NAPEPLD: variants seen among roughly 807,000 people sequenced by gnomAD.
The protein encoded by NAPEPLD is N-acyl-phosphatidylethanolamine-hydrolyzing phospholipase D.
NAPEPLD carries 23 observed loss-of-function variants against 38.1 expected under a neutral mutation model. That is an observed-to-expected ratio of 0.60 (90% CI 0.43 to 0.86). The LOEUF (loss-of-function observed/expected upper bound fraction) is 0.86. NAPEPLD is among the 40% of genes least tolerant of loss of function. The pLI is 0.00. For synonymous variants in NAPEPLD, 147 were observed against 162.0 expected, an observed-to-expected ratio of 0.91 and a Z score of 0.71; for missense variants, 411 against 476.8, an observed-to-expected ratio of 0.86 and a Z score of 1.28.
chr7:103,113,644 TTC>T (rs780291015), intron 4 of NAPEPLD, among the ~76,000 whole-genome samples: 401 of 9,022 alleles, frequency 0.044, 39 homozygotes, highest in South Asian at 0.36. Context: ...TTTTTTTTTT[TTC>T]TCAAGACAGA....
intron 2 of NAPEPLD, among the ~76,000 whole-genome samples, chr7:103,124,506 T>A (rs1013250593): frequency 3.3e-5 from 5 of 150,114 alleles, no homozygotes; most frequent in African/African-American, 1.2e-4. Context: ...GAAAAAGGGG[T>A]GGGGAGAGGA....
chr7:103,114,864 G>GT (rs11332590), intron 4 of NAPEPLD, among the ~76,000 whole-genome samples, 196 bp downstream of exon 4: 2 of 150,934 alleles, frequency 1.3e-5, no homozygotes, highest in African/African-American at 4.9e-5. Context: ...AGGTTGTGTT[G>GT]TTTTTTTTTT....
At chr7:103,149,472 G>A (rs1156392108), upstream of NAPEPLD, 1 of 1,264,206 alleles carries the variant, frequency 7.9e-7, no homozygotes, top group Non-Finnish European at 1.0e-6. Flanking sequence ...AGCTCTCGCC[G>A]CCTCGCCATC....
chr7:103,124,351 G>A (rs556243620), intron 2 of NAPEPLD, among the ~76,000 whole-genome samples: 203 of 152,110 alleles, frequency 1.3e-3, no homozygotes, highest in Non-Finnish European at 2.5e-3. Flanking sequence ...CCAGCTACTC[G>A]GGAGGCTGAG....
intron 1 of NAPEPLD, among the ~76,000 whole-genome samples, chr7:103,136,304 G>T (rs771710348): frequency 2.0e-5 from 3 of 151,264 alleles, no homozygotes; most frequent in Non-Finnish European, 4.4e-5. Flanking sequence ...GGGAGCAGTG[G>T]CTCACACCTG....
At chr7:103,148,505 C>A (rs1215514472) in intron 1 of NAPEPLD, among the ~76,000 whole-genome samples, 2 of 144,550 alleles carry the variant, frequency 1.4e-5, no homozygotes, top group Non-Finnish European at 3.0e-5. Flanking sequence ...ACAACAAAAA[C>A]CTATCTGAAT....
chr7:103,110,707 T>TA (rs1804338597), intron 4 of NAPEPLD, among the ~76,000 whole-genome samples: 1 of 152,138 alleles, frequency 6.6e-6, no homozygotes, highest in Non-Finnish European at 1.5e-5. Flanking sequence ...CTATTCAACA[T>TA]AGCATTCGAA....
rs2129525251 is a variant in NAPEPLD at position 103,100,838 on chromosome 7, G to T, written c.*2591C>A. Reference sequence around the variant, plus strand: ...AACCCACTCAATAAGGTGAGATTCTGTAAGCAGAGATGAAGCTTGATGTTC... The same window carrying T: ...AACCCACTCAATAAGGTGAGATTCTTTAAGCAGAGATGAAGCTTGATGTTC... On this transcript the variant is annotated 3_prime_UTR_variant, in exon 5 of 5. Coordinates refer to ENST00000465647, the MANE Select transcript of NAPEPLD (RefSeq NM_001122838.3). 6.6e-6 allele frequency: 1 copy of T among 152,324 alleles called. No individual in the cohort carries two copies. The highest frequency in any genetic ancestry group is 2.1e-4 in the South Asian group (1 of 4,826). 9.4% of individuals were successfully genotyped at this position (152,324 alleles called of 1,614,324 possible).
At chr7:103,145,469 T>C (rs1276091620) in intron 1 of NAPEPLD, among the ~76,000 whole-genome samples, 1 of 152,228 alleles carries the variant, frequency 6.6e-6, no homozygotes, top group African/African-American at 2.4e-5. Context: ...CAGCCAAGAA[T>C]TGTAAAGTAT....
chr7:103,121,806 T>A (rs1806751568), intron 2 of NAPEPLD, among the ~76,000 whole-genome samples: 1 of 152,152 alleles, frequency 6.6e-6, no homozygotes, highest in Non-Finnish European at 1.5e-5. Context: ...GGTGTGGTAC[T>A]GGATAAGTAG....
In NAPEPLD at chr7:103,120,120, G is replaced by A; in HGVS notation, c.398C>T (p.Ala133Val). 1 of 1,614,134 alleles carries A rather than the reference G, an allele frequency of 6.2e-7. No individual in the cohort carries two copies. The highest frequency in any genetic ancestry group is 8.5e-7 in the Non-Finnish European group (1 of 1,180,038). ...AGLRVTWLGHATVMVEMDELI... is the reference protein window; with the variant it reads ...AGLRVTWLGHVTVMVEMDELI... The stretch of plus-strand genomic sequence containing the variant: ...CTCATCCATTTCCACCATTACCGTG[G>A]CATGTCCCAGCCATGTGACTCTTAA... Residue 133 changes from alanine (A) to valine (V), a missense_variant, in exon 3 of 5, where the codon GCC (alanine) becomes GTC (valine). Physicochemically the swap from Ala to Val is moderately conservative, Grantham distance 64. Coordinates refer to ENST00000465647, the MANE Select transcript of NAPEPLD (RefSeq NM_001122838.3).
chr7:103,116,064 C>CT (rs10541883), intron 3 of NAPEPLD, among the ~76,000 whole-genome samples: 50 of 151,120 alleles, frequency 3.3e-4, no homozygotes, highest in African/African-American at 1.1e-3. Flanking sequence ...TTCTTTTTTT[C>CT]TTTTTTTTTT....
chr7:103,143,100 C>G (rs555302965), intron 1 of NAPEPLD, among the ~76,000 whole-genome samples: 5 of 151,772 alleles, frequency 3.3e-5, no homozygotes, highest in Non-Finnish European at 5.9e-5. Flanking sequence ...AACACACACA[C>G]GCAAAAATTA....
rs1802636547 is a variant in NAPEPLD, at chr7:103,103,147, T to A, written c.*282A>T. On this transcript the variant is annotated 3_prime_UTR_variant, in exon 5 of 5. Transcript: ENST00000465647. ...TCTAGTACCACAAAAATATAATGTT[T>A]TAGTAAAAACATTTCCATTGCAGTG... 1 of 200,768 alleles carries A rather than the reference T, an allele frequency of 5.0e-6. No homozygotes were observed. Among genetic ancestry groups the A allele is most frequent in the African/African-American group, 2.3e-5 (1 of 43,618 alleles). 12.4% of individuals were successfully genotyped at this position (200,768 alleles called of 1,614,324 possible). A position where few individuals can be genotyped will look rare whatever the true frequency, so the allele number is the denominator to read the frequency against.
At chr7:103,141,907 G>C in intron 1 of NAPEPLD, 1 of 1,014,852 alleles carries the variant, frequency 9.9e-7, no homozygotes, top group East Asian at 2.4e-5. Flanking sequence ...GGACACTAGA[G>C]GCAAGCCTCT....
At chr7:103,146,541 C>T (rs1461214538) in intron 1 of NAPEPLD, among the ~76,000 whole-genome samples, 1 of 152,126 alleles carries the variant, frequency 6.6e-6, no homozygotes, top group East Asian at 1.9e-4. Flanking sequence ...AGAGTCTGCA[C>T]CTTCAAGGGG....
chr7:103,123,143 G>A (rs1007650844), intron 2 of NAPEPLD, among the ~76,000 whole-genome samples: 82 of 152,070 alleles, frequency 5.4e-4, no homozygotes, highest in African/African-American at 1.8e-3. Context: ...TTATCCCTTC[G>A]GGCCATCTCT....
In NAPEPLD at chr7:103,128,694, G is replaced by A. The variant is rs1391778261; in HGVS notation, c.83C>T (p.Ala28Val). The A allele has an allele frequency of 6.2e-7, 1 of 1,614,110 alleles. No individual in the cohort carries two copies. Among genetic ancestry groups the A allele is most frequent in the South Asian group, 1.1e-5 (1 of 91,076 alleles). Residue 28 changes from alanine to valine, a missense_variant, in exon 2 of 5, where the codon GCA becomes GTA. Physicochemically the swap from Ala to Val is moderately conservative, Grantham distance 64. Coordinates refer to ENST00000465647, the MANE Select transcript of NAPEPLD (RefSeq NM_001122838.3). ...KEAVRKRQNS[A>V]RNSGASDSSR... Reference sequence around the variant, plus strand: ...AGAATCACTTGCTCCGGAATTCCGTGCTGAATTTTGACGTTTTCTTACTGC... The same window carrying A: ...AGAATCACTTGCTCCGGAATTCCGTACTGAATTTTGACGTTTTCTTACTGC...
intron 3 of NAPEPLD, among the ~76,000 whole-genome samples, chr7:103,117,637 C>T (rs6946968): frequency 0.88 from 133,245 of 152,180 alleles, 61,058 homozygotes; most frequent in East Asian, 1. Context: ...AAGCCGTTAA[C>T]AGTAACCAAA....
Sources: gnomAD v4.1 joint callset for allele counts (sites outside exome capture counted in the v4.1 genomes callset) on GRCh38, gnomAD v4.1.1 for gene constraint, MANE v1.5 for transcripts, NCBI Gene and HGNC (gene_info 2026-07-23, HGNC 2026-07-21) for gene names.